PHACTR1: variants seen among roughly 807,000 people sequenced by gnomAD.
PHACTR1 encodes phosphatase and actin regulator 1.
In PHACTR1, 16 loss-of-function variants were observed where a neutral mutation model predicts 69.2. The observed-to-expected ratio is 0.23, with a 90% confidence interval of 0.16 to 0.35. The LOEUF (loss-of-function observed/expected upper bound fraction) is 0.35, where lower values mean the gene tolerates loss of function less well. Ranked by LOEUF, PHACTR1 falls within the 10% of genes least tolerant of loss-of-function variation. The pLI is 1.00. For synonymous variants in PHACTR1, 312 were observed against 284.5 expected (o/e 1.10, Z -0.97); for missense variants, 510 against 734.7 (o/e 0.69, Z 3.54).
chr6:13,238,776 A>T (rs535120931), intron 10 of PHACTR1, among the ~76,000 whole-genome samples: 1 of 152,236 alleles, frequency 6.6e-6, no homozygotes, highest in South Asian at 2.1e-4. Context: ...GTGAGCTGGC[A>T]TCTCCCCTGG....
chr6:13,277,196 C>T (rs1048060209), intron 11 of PHACTR1, among the ~76,000 whole-genome samples: 4 of 152,176 alleles, frequency 2.6e-5, no homozygotes, highest in African/African-American at 9.7e-5. Flanking sequence ...GATTCTCTGC[C>T]CTTCAAGTAT....
rs754182890 is a variant in PHACTR1, at chr6:13,230,065, G to A, written c.1263G>A (p.Lys421=). The A allele has an allele frequency of 1.9e-6, 3 of 1,611,046 alleles. No individual in the cohort carries two copies. In the East Asian group the frequency reaches 6.7e-5, roughly 36 times the overall value. The change falls in exon 10 of 15, where the codon AAG becomes AAA. Residue 421 remains lysine (K), a synonymous_variant. Transcript: ENST00000332995. ...CCCTGGCCATGAAGGTCTGCAGGAAGGACTCCTTAGCCATCAAACTCAGCA... is the reference window on the plus strand; with the variant it reads ...CCCTGGCCATGAAGGTCTGCAGGAAAGACTCCTTAGCCATCAAACTCAGCA... ...TSSLAMKVCR[K]DSLAIKLSNR...
At chr6:13,233,569 T>G (rs1771553832) in intron 10 of PHACTR1, among the ~76,000 whole-genome samples, 1 of 152,000 alleles carries the variant, frequency 6.6e-6, no homozygotes, top group Admixed American at 6.6e-5. Context: ...AGAGAATGAG[T>G]GCAAGCAGAG....
chr6:13,160,729 A>C (rs766294619), intron 6 of PHACTR1, among the ~76,000 whole-genome samples: 2 of 152,218 alleles, frequency 1.3e-5, no homozygotes, highest in African/African-American at 2.4e-5. Flanking sequence ...TTGGTGGTCC[A>C]TCTTGCCACA....
At chr6:12,771,642 A>G (rs755403512) in intron 4 of PHACTR1, among the ~76,000 whole-genome samples, 5 of 152,192 alleles carry the variant, frequency 3.3e-5, no homozygotes, top group Non-Finnish European at 7.3e-5. Flanking sequence ...TCTGCCATAT[A>G]CAGTCAGGCT....
chr6:12,797,248 T>C (rs996305516), intron 4 of PHACTR1, among the ~76,000 whole-genome samples: 1 of 152,076 alleles, frequency 6.6e-6, no homozygotes, highest in African/African-American at 2.4e-5. Flanking sequence ...GGCAATCAAG[T>C]GCTTCCAGTG....
At chr6:12,824,434 T>C (rs1368177741) in intron 4 of PHACTR1, among the ~76,000 whole-genome samples, 1 of 152,190 alleles carries the variant, frequency 6.6e-6, no homozygotes, top group African/African-American at 2.4e-5. Flanking sequence ...GGAAAAATTG[T>C]CTTCCACGAA....
intron 4 of PHACTR1, among the ~76,000 whole-genome samples, chr6:12,757,510 A>T (rs1473331311): frequency 1.3e-5 from 2 of 152,180 alleles, no homozygotes; most frequent in African/African-American, 4.8e-5. Flanking sequence ...AACAGACTAG[A>T]GAGGGGCACC....
At chr6:12,735,390 C>T (rs572149070) in intron 3 of PHACTR1, among the ~76,000 whole-genome samples, 2 of 152,324 alleles carry the variant, frequency 1.3e-5, no homozygotes, top group South Asian at 4.1e-4. Flanking sequence ...GAAGTGACTA[C>T]ACAAGGGCAT....
intron 4 of PHACTR1, among the ~76,000 whole-genome samples, chr6:12,856,806 G>T (rs939083107): frequency 5.3e-5 from 8 of 152,104 alleles, no homozygotes; most frequent in Non-Finnish European, 1.0e-4. Flanking sequence ...ACAAAATGCT[G>T]GTTTTTATTT....
At chr6:13,152,238 G>T (rs1439091860) in intron 5 of PHACTR1, among the ~76,000 whole-genome samples, 1 of 152,088 alleles carries the variant, frequency 6.6e-6, no homozygotes, top group Non-Finnish European at 1.5e-5. Context: ...GGAGGCTGAG[G>T]CAGGAGAAAG....
chr6:13,089,265 C>T (rs2127822510), intron 5 of PHACTR1, among the ~76,000 whole-genome samples: 1 of 152,304 alleles, frequency 6.6e-6, no homozygotes, highest in African/African-American at 2.4e-5. Context: ...AGCTCCATCC[C>T]CTGGAAGCTC....
chr6:12,894,118 TTC>T (rs1230933704), intron 4 of PHACTR1, among the ~76,000 whole-genome samples: 1 of 152,212 alleles, frequency 6.6e-6, no homozygotes, highest in Non-Finnish European at 1.5e-5. Flanking sequence ...TGGGCACAGG[TTC>T]AACCACCTTG....
intron 4 of PHACTR1, among the ~76,000 whole-genome samples, chr6:12,990,519 C>T (rs959148576): frequency 1.3e-5 from 2 of 152,222 alleles, no homozygotes; most frequent in South Asian, 2.1e-4. Flanking sequence ...GTGCCAGGGC[C>T]GGGCCAAGCG....
At chr6:13,029,239 G>C (rs1319237909) in intron 4 of PHACTR1, among the ~76,000 whole-genome samples, 1 of 152,180 alleles carries the variant, frequency 6.6e-6, no homozygotes, top group African/African-American at 2.4e-5. Flanking sequence ...AAGAACATCA[G>C]GTAAGATTAA....
chr6:12,847,788 C>T (rs1319074340), intron 4 of PHACTR1, among the ~76,000 whole-genome samples: 1 of 152,002 alleles, frequency 6.6e-6, no homozygotes, highest in African/African-American at 2.4e-5. Flanking sequence ...GGCAGGAAAA[C>T]AGCTAATATA....
At chr6:13,221,933 G>T (rs1426408883) in intron 8 of PHACTR1, among the ~76,000 whole-genome samples, 8 of 152,126 alleles carry the variant, frequency 5.3e-5, no homozygotes, top group Admixed American at 5.2e-4. Flanking sequence ...CCACCTGGGA[G>T]GCTGAGGCAG....
intron 4 of PHACTR1, among the ~76,000 whole-genome samples, chr6:13,028,614 A>G (rs146030039): frequency 1.3e-5 from 2 of 152,222 alleles, no homozygotes; most frequent in African/African-American, 4.8e-5. Context: ...TATGCTGGAT[A>G]ATTCTTTACT....
chr6:12,847,310 T>C (rs1779388633), intron 4 of PHACTR1, among the ~76,000 whole-genome samples: 1 of 152,184 alleles, frequency 6.6e-6, no homozygotes, highest in East Asian at 1.9e-4. Flanking sequence ...GGTAGATAGA[T>C]ACGGATAAAT....
Sources: allele counts gnomAD v4.1 joint callset (sites outside exome capture counted in the v4.1 genomes callset), GRCh38; gene constraint gnomAD v4.1.1; transcripts MANE v1.5; gene names NCBI Gene and HGNC (gene_info 2026-07-23, HGNC 2026-07-21).